The following KLF12 variants were observed in gnomAD, a reference collection of about 807,000 sequenced individuals.
KLF12 encodes Krueppel-like factor 12.
Under a neutral mutation model 37.8 loss-of-function variants are expected in KLF12, and 9 were observed. That is an observed-to-expected ratio of 0.24 (90% CI 0.14 to 0.42). KLF12 has a LOEUF of 0.42. Among genes scored for constraint, KLF12 ranks in the 10% least tolerant of loss-of-function variants. The pLI, the probability that KLF12 is intolerant of heterozygous loss-of-function variation, is 1.00. For synonymous variants in KLF12, 208 were observed against 202.1 expected, an observed-to-expected ratio of 1.03 and a Z score of -0.25; for missense variants, 411 against 516.0, an observed-to-expected ratio of 0.80 and a Z score of 1.97.
chr13:73,996,049 C>T (rs1892108678), intron 1 of KLF12, among the ~76,000 whole-genome samples: 1 of 152,182 alleles, frequency 6.6e-6, no homozygotes, highest in South Asian at 2.1e-4. Flanking sequence ...AAAGAACTCA[C>T]TCACTCATAA....
At chr13:73,698,707 T>C (rs1874324908) in intron 7 of KLF12, among the ~76,000 whole-genome samples, 1 of 152,232 alleles carries the variant, frequency 6.6e-6, no homozygotes, top group Admixed American at 6.5e-5. Flanking sequence ...CCGGCTGTTT[T>C]CCAGAGATGG....
At chr13:73,965,654 G>A (rs981702333) in intron 2 of KLF12, among the ~76,000 whole-genome samples, 2 of 152,080 alleles carry the variant, frequency 1.3e-5, no homozygotes, top group East Asian at 1.9e-4. Flanking sequence ...CAACATTCAC[G>A]CACATAACTG....
At chr13:73,706,162 C>A (rs1193638397) in intron 7 of KLF12, among the ~76,000 whole-genome samples, 2 of 152,024 alleles carry the variant, frequency 1.3e-5, no homozygotes, top group Non-Finnish European at 2.9e-5. Flanking sequence ...TCAAAACAAA[C>A]AAACAAACAA....
chr13:74,113,935 A>C (rs930507183), intron 1 of KLF12, among the ~76,000 whole-genome samples: 1 of 152,216 alleles, frequency 6.6e-6, no homozygotes, highest in Non-Finnish European at 1.5e-5. Flanking sequence ...GTTTAGAAGA[A>C]GCTGATTCCA....
chr13:74,037,470 C>T (rs913951574), intron 1 of KLF12, among the ~76,000 whole-genome samples: 3 of 152,122 alleles, frequency 2.0e-5, no homozygotes, highest in Non-Finnish European at 2.9e-5. Context: ...CATCCACAGC[C>T]GCCAATTAAA....
At chr13:73,780,602 C>T (rs1441686673) in intron 5 of KLF12, among the ~76,000 whole-genome samples, 2 of 152,298 alleles carry the variant, frequency 1.3e-5, no homozygotes, top group South Asian at 2.1e-4. Context: ...GCCTCAGCCT[C>T]TGGCATGTGC....
intron 7 of KLF12, among the ~76,000 whole-genome samples, chr13:73,707,610 G>C (rs1340634666): frequency 6.6e-6 from 1 of 152,100 alleles, no homozygotes; most frequent in Non-Finnish European, 1.5e-5. Context: ...AGATGGGGGG[G>C]TCTGAAATGG....
the KLF12 span, among the ~76,000 whole-genome samples, chr13:74,164,264 T>C: frequency 1.3e-5 from 2 of 152,190 alleles, no homozygotes; most frequent in African/African-American, 2.4e-5. Context: ...TTTAAGAAGC[T>C]ATGACTTTAC....
chr13:74,154,085 A>T, the KLF12 span, among the ~76,000 whole-genome samples: 1 of 146,948 alleles, frequency 6.8e-6, no homozygotes, highest in Non-Finnish European at 1.5e-5. Flanking sequence ...AAAAAAAAAA[A>T]TTAGCTGGGC....
chr13:74,087,099 T>C (rs1875353980), intron 1 of KLF12, among the ~76,000 whole-genome samples: 1 of 152,158 alleles, frequency 6.6e-6, no homozygotes, highest in African/African-American at 2.4e-5. Flanking sequence ...AACATTTTGT[T>C]TATGTGCCCT....
At chr13:74,064,428 A>G (rs1260146515) in intron 1 of KLF12, among the ~76,000 whole-genome samples, 1 of 152,162 alleles carries the variant, frequency 6.6e-6, no homozygotes, top group Non-Finnish European at 1.5e-5. Context: ...AAAGTCACAT[A>G]ACTTTAGCAA....
rs370914514 is a variant in KLF12, at chr13:73,888,707, T to C, written c.124-42334A>G. Reference sequence around the variant, plus strand: ...ACAATTTTACAGAAAATAAATGTTTTTATGCTTTATAAACCTTTCTTACAA... The same window carrying C: ...ACAATTTTACAGAAAATAAATGTTTCTATGCTTTATAAACCTTTCTTACAA... On this transcript the variant is annotated intron_variant, in intron 3 of 7. Coordinates refer to ENST00000377669, the MANE Select transcript of KLF12 (RefSeq NM_007249.5). Among the ~76,000 whole-genome samples, 509 of 152,340 alleles carry C rather than the reference T, an allele frequency of 3.3e-3. 4 individuals are homozygous for C. Among genetic ancestry groups the C allele is most frequent in the African/African-American group, 0.012 (487 of 41,580 alleles).
intron 6 of KLF12, among the ~76,000 whole-genome samples, chr13:73,748,711 A>C: frequency 6.6e-6 from 1 of 152,174 alleles, no homozygotes; most frequent in Non-Finnish European, 1.5e-5. Flanking sequence ...TGCCAAATAC[A>C]TTTAAATTTT....
Position 74,075,536 on chromosome 13 carries a change from T to A in KLF12, c.-32+58203A>T, listed in dbSNP as rs556396108. ...AGGTACTGGTATTTTTAAATACTCATGTGATTCTAATCTGCATCAAACATT... is the reference window on the plus strand; with the variant it reads ...AGGTACTGGTATTTTTAAATACTCAAGTGATTCTAATCTGCATCAAACATT... On this transcript the variant is annotated intron_variant, in intron 1 of 7. Transcript: ENST00000377669. Among the ~76,000 whole-genome samples the A allele has an allele frequency of 2.8e-4, 42 of 152,350 alleles. No individual in the cohort carries two copies. In the South Asian group the frequency reaches 8.7e-3, roughly 32 times the overall value.
the KLF12 span, among the ~76,000 whole-genome samples, chr13:74,217,117 C>A: frequency 6.6e-6 from 1 of 152,018 alleles, no homozygotes; most frequent in Non-Finnish European, 1.5e-5. Context: ...TTTCTGGGAC[C>A]TTATCTATTC....
intron 3 of KLF12, among the ~76,000 whole-genome samples, chr13:73,898,852 G>A (rs539053815): frequency 6.6e-6 from 1 of 152,334 alleles, no homozygotes; most frequent in African/African-American, 2.4e-5. Flanking sequence ...ATGAAGGATG[G>A]ACGGGTGAGG....
At chr13:74,127,153 G>C (rs1190471362) in intron 1 of KLF12, among the ~76,000 whole-genome samples, 1 of 152,128 alleles carries the variant, frequency 6.6e-6, no homozygotes, top group Non-Finnish European at 1.5e-5. Context: ...ACAGGCACAC[G>C]CCACCAAACC....
At chr13:74,253,593 A>G in the KLF12 span, among the ~76,000 whole-genome samples, 1 of 152,188 alleles carries the variant, frequency 6.6e-6, no homozygotes, top group Non-Finnish European at 1.5e-5. Flanking sequence ...CTGATGTTGA[A>G]TGCTCTGTCC....
At position 73,717,663 on chromosome 13, in the gene KLF12, T is replaced by C. The variant is rs1593999123; in HGVS notation, c.870-2138A>G. 2.6e-5 allele frequency among the ~76,000 whole-genome samples: 4 copies of C among 152,222 alleles called. No homozygotes were observed. In the South Asian group the frequency reaches 6.2e-4, roughly 24 times the overall value. ...TACCACAGTAGAATGAAAGAACATA[T>C]GTTATGTATGGCCAAGCCACTTTTT... On this transcript the variant is annotated intron_variant, in intron 6 of 7. Transcript: ENST00000377669.
Sources: allele counts gnomAD v4.1 joint callset (sites outside exome capture counted in the v4.1 genomes callset), GRCh38; gene constraint gnomAD v4.1.1; transcripts MANE v1.5; gene names NCBI Gene and HGNC (gene_info 2026-07-23, HGNC 2026-07-21).